ANK2: variants seen among roughly 807,000 people sequenced by gnomAD.
ANK2 encodes the protein ankyrin 2.
ANK2 carries 83 observed loss-of-function variants against 360.5 expected under a neutral mutation model. The observed-to-expected ratio is 0.23, with a 90% confidence interval of 0.19 to 0.28. ANK2 has a LOEUF of 0.28. Among genes scored for constraint, ANK2 ranks in the 10% least tolerant of loss-of-function variants. The pLI is 1.00. For missense variants in ANK2, 4,201 were observed against 4,795.7 expected, an observed-to-expected ratio of 0.88 and a Z score of 3.66; for synonymous variants, 1,740 against 1,759.5, an observed-to-expected ratio of 0.99 and a Z score of 0.28.
chr4:112,940,865 C>G (rs953382792), intron 2 of ANK2, among the ~76,000 whole-genome samples: 1 of 152,002 alleles, frequency 6.6e-6, no homozygotes, highest in Non-Finnish European at 1.5e-5. Context: ...CAGGGATTCT[C>G]GTGTCAAAGA....
At chr4:112,827,273 C>A in intron 1 of ANK2, 1 of 1,050,050 alleles carries the variant, frequency 9.5e-7, no homozygotes, top group Non-Finnish European at 1.5e-6. Flanking sequence ...CTTAAGGCAG[C>A]CAAGAGTCAT....
At chr4:112,914,767 G>T (rs2089127968) in intron 2 of ANK2, among the ~76,000 whole-genome samples, 1 of 152,172 alleles carries the variant, frequency 6.6e-6, no homozygotes, top group Non-Finnish European at 1.5e-5. Context: ...TTTAGAGCTA[G>T]AAGGGGTTGG....
intron 1 of ANK2, among the ~76,000 whole-genome samples, chr4:113,099,372 A>T (rs1263414096): frequency 4.6e-5 from 7 of 151,950 alleles, no homozygotes; most frequent in Non-Finnish European, 1.0e-4. Flanking sequence ...TCAATGAGCA[A>T]TTGGAATTGG....
chr4:112,735,706 G>C, the ANK2 span, among the ~76,000 whole-genome samples: 2 of 152,052 alleles, frequency 1.3e-5, no homozygotes, highest in Non-Finnish European at 2.9e-5. Flanking sequence ...AAAACATATA[G>C]AATTTATCAG....
intron 1 of ANK2, among the ~76,000 whole-genome samples, chr4:113,153,989 G>C (rs2097184736): frequency 6.6e-6 from 1 of 152,146 alleles, no homozygotes; most frequent in South Asian, 2.1e-4. Flanking sequence ...GCACATAAGA[G>C]CATAAAAGTA....
intron 1 of ANK2, among the ~76,000 whole-genome samples, chr4:113,133,509 G>A (rs1275725061): frequency 1.3e-5 from 2 of 152,082 alleles, no homozygotes; most frequent in Non-Finnish European, 2.9e-5. Flanking sequence ...GACCCCAGAT[G>A]CCAGATTCCA....
At chr4:113,220,251 A>C (rs1226555471) in intron 4 of ANK2, among the ~76,000 whole-genome samples, 1 of 152,234 alleles carries the variant, frequency 6.6e-6, no homozygotes, top group Non-Finnish European at 1.5e-5. Context: ...TACCAAGAGA[A>C]TGTAATCTGC....
chr4:113,166,154 A>G (rs1159502521), intron 1 of ANK2, among the ~76,000 whole-genome samples: 1 of 152,176 alleles, frequency 6.6e-6, no homozygotes, highest in African/African-American at 2.4e-5. Flanking sequence ...ATAAAGTTCA[A>G]TAGGAAACTA....
chr4:113,094,739 T>C (rs1230196923), intron 1 of ANK2, among the ~76,000 whole-genome samples: 2 of 152,254 alleles, frequency 1.3e-5, no homozygotes, highest in African/African-American at 4.8e-5. Context: ...CACATTTAGT[T>C]ACTAAACATA....
the ANK2 span, among the ~76,000 whole-genome samples, chr4:112,779,233 C>G: frequency 5.9e-5 from 9 of 152,224 alleles, no homozygotes; most frequent in African/African-American, 2.2e-4. Context: ...AAAAAAGCCA[C>G]TTTGGCCGGG....
Position 113,373,345 on chromosome 4 carries a change from A to G in ANK2, c.11755A>G (p.Met3919Val), listed in dbSNP as rs2154074716. The G allele has an allele frequency of 6.2e-7, 1 of 1,614,182 alleles. No homozygotes were observed. Among genetic ancestry groups the G allele is most frequent in the Non-Finnish European group, 8.5e-7 (1 of 1,179,998 alleles). The change falls in exon 45 of 46, where the codon ATG (methionine) becomes GTG (valine). Residue 3919 changes from methionine to valine, a missense_variant. Met to Val is a conservative substitution (Grantham distance 21). Transcript: ENST00000357077. ...SSEGTEKEEI[M>V]VQGMPQEPVN... ...TGAAGGCACAGAGAAAGAAGAGATT[A>G]TGGTGCAGGGAATGCCACAGGAACC...
chr4:112,966,381 A>G (rs1393571451), intron 2 of ANK2, among the ~76,000 whole-genome samples: 2 of 151,886 alleles, frequency 1.3e-5, no homozygotes, highest in African/African-American at 4.8e-5. Flanking sequence ...CAGAACATTT[A>G]GAAAATTATT....
chr4:113,221,646 G>A (rs2099153324), intron 4 of ANK2, among the ~76,000 whole-genome samples: 3 of 149,870 alleles, frequency 2.0e-5, no homozygotes, highest in East Asian at 2.0e-4. Context: ...GGGACAGAGT[G>A]AGACTCCACT....
chr4:113,137,044 G>A (rs938424010), intron 1 of ANK2, among the ~76,000 whole-genome samples: 12 of 151,876 alleles, frequency 7.9e-5, no homozygotes, highest in African/African-American at 2.9e-4. Context: ...AGGCTGGCCA[G>A]GCTGGTCTCA....
rs753719949 is a variant in ANK2 at position 113,293,506 on chromosome 4, G to A, written c.2443G>A (p.Val815Ile). ...CATCTCCGTGGTCGACACCCTGAAG[G>A]TTGTGACTGAGGAGGTCACCACCAC... The part of the protein sequence containing the change: ...GYISVVDTLK[V>I]VTEEVTTTTT... Residue 815 changes from valine (V) to isoleucine (I), a missense_variant, in exon 22 of 46, where the codon GTT becomes ATT. Val to Ile is a conservative substitution (Grantham distance 29). Coordinates refer to ENST00000357077, the MANE Select transcript of ANK2 (RefSeq NM_001148.6). The A allele has an allele frequency of 1.5e-5, 24 of 1,613,444 alleles. No individual in the cohort carries two copies. Among genetic ancestry groups the A allele is most frequent in the Non-Finnish European group, 2.0e-5 (24 of 1,179,970 alleles).
intron 1 of ANK2, among the ~76,000 whole-genome samples, chr4:113,101,820 C>T (rs2092895581): frequency 6.6e-6 from 1 of 151,992 alleles, no homozygotes; most frequent in African/African-American, 2.4e-5. Context: ...GCTTCTATGA[C>T]CAAGTTATAC....
In ANK2 at chr4:113,358,433, A is replaced by G; in HGVS notation, c.9815A>G (p.Asp3272Gly). Residue 3272 changes from aspartate (D) to glycine (G), a missense_variant, in exon 38 of 46, where the codon GAT becomes GGT. By Grantham distance (94) the Asp-to-Gly change is moderately conservative. This residue lies in a region of ANK2 where 2,642 missense variants were observed against 2,714.5 expected (regional missense o/e 0.97). Coordinates refer to ENST00000357077, the MANE Select transcript of ANK2 (RefSeq NM_001148.6). ...TRSVYSDRGD[D>G]SPDSSPEEQK... The stretch of plus-strand genomic sequence containing the variant: ...TCTGTTTATTCAGATAGGGGTGATG[A>G]TTCTCCCGATTCTTCCCCAGAAGAA... 6.2e-7 allele frequency: 1 copy of G among 1,614,068 alleles called. No homozygotes were observed. The highest frequency in any genetic ancestry group is 8.5e-7 in the Non-Finnish European group (1 of 1,179,950).
At chr4:113,149,904 AGATT>A (rs2096985086) in intron 1 of ANK2, among the ~76,000 whole-genome samples, 1 of 149,890 alleles carries the variant, frequency 6.7e-6, no homozygotes, top group African/African-American at 2.5e-5. Flanking sequence ...AAAAAAAGAA[AGATT>A]GAAAGAAGAG....
chr4:112,754,397 A>G, the ANK2 span, among the ~76,000 whole-genome samples: 2 of 151,700 alleles, frequency 1.3e-5, no homozygotes, highest in African/African-American at 4.8e-5. Flanking sequence ...CAGTTCTAAC[A>G]TCCTATGGTT....
Sources: gnomAD v4.1 joint callset for allele counts (sites outside exome capture counted in the v4.1 genomes callset) on GRCh38, gnomAD v4.1.1 for gene constraint, gnomAD v4.1.1 regional missense constraint, MANE v1.5 for transcripts, NCBI Gene and HGNC (gene_info 2026-07-23, HGNC 2026-07-21) for gene names.